FAM184B: variants seen among roughly 807,000 people sequenced by gnomAD.
FAM184B encodes the protein protein FAM184B.
Under a neutral mutation model 135.9 loss-of-function variants are expected in FAM184B, and 111 were observed. The ratio of observed to expected loss-of-function variants is 0.82; its 90% CI spans 0.70 to 0.96. The LOEUF (loss-of-function observed/expected upper bound fraction) is 0.96, where lower values mean the gene tolerates loss of function less well. FAM184B is among the 40% of genes least tolerant of loss of function. The probability of loss-of-function intolerance (pLI) is 0.00; values close to 1 mark genes in which losing one functional copy is unlikely to be tolerated. For synonymous variants in FAM184B, 552 were observed against 524.8 expected (o/e 1.05, Z -0.71); for missense variants, 1,375 against 1,323.9 (o/e 1.04, Z -0.60).
intron 14 of FAM184B, among the ~76,000 whole-genome samples, chr4:17,637,472 T>C (rs1715178348): frequency 6.6e-6 from 1 of 152,180 alleles, no homozygotes; most frequent in Non-Finnish European, 1.5e-5. Context: ...TGGCTCTTCT[T>C]TTTTCTAGAT....
intron 12 of FAM184B, among the ~76,000 whole-genome samples, chr4:17,642,700 T>C (rs2108931312): frequency 6.6e-6 from 1 of 152,326 alleles, no homozygotes; most frequent in South Asian, 2.1e-4. Context: ...TATGTGTCCA[T>C]GCTGGTTTCC....
chr4:17,667,852 G>T (rs1477348448), intron 7 of FAM184B, among the ~76,000 whole-genome samples: 2 of 152,208 alleles, frequency 1.3e-5, no homozygotes, highest in Admixed American at 6.5e-5. Flanking sequence ...TGTCATTATT[G>T]ATCTACTCGC....
At position 17,708,663 on chromosome 4, in the gene FAM184B, C is replaced by CTATACATATATA. The variant is rs1228433126; in HGVS notation, c.894+228_894+229insTATATATGTATA. ...CCGTCTCAAAAATAAGGAAACAAAA[C>CTATACATATATA]TATATATATATATATATATATATAT... On this transcript the variant is annotated intron_variant, in intron 2 of 17. Transcript: ENST00000265018. Among the ~76,000 whole-genome samples the CTATACATATATA allele has an allele frequency of 7.4e-3, 126 of 16,990 alleles. 10 individuals are homozygous for CTATACATATATA. The highest frequency in any genetic ancestry group is 0.01 in the Non-Finnish European group (103 of 10,004). 11.1% of individuals were successfully genotyped at this position (16,990 alleles called of 152,430 possible).
chr4:17,747,128 G>A (rs1260221686), intron 1 of FAM184B, among the ~76,000 whole-genome samples: 9 of 151,918 alleles, frequency 5.9e-5, no homozygotes, highest in African/African-American at 9.7e-5. Context: ...TCCTGGGTAC[G>A]TATAATGTGC....
intron 15 of FAM184B, among the ~76,000 whole-genome samples, chr4:17,635,674 T>C (rs1715102626): frequency 1.3e-5 from 1 of 79,266 alleles, no homozygotes; most frequent in African/African-American, 5.9e-5. Context: ...AAGGATTACT[T>C]TAAAAAAAAA....
intron 1 of FAM184B, among the ~76,000 whole-genome samples, chr4:17,728,827 A>G (rs182051312): frequency 1.6e-4 from 24 of 152,334 alleles, no homozygotes; most frequent in Middle Eastern, 3.4e-3. Context: ...TGAGCGACAC[A>G]GAAGACAGGT....
Position 17,632,523 on chromosome 4 carries a change from A to AAGGTTAGCTT in FAM184B, c.3182_*8dup. On this transcript the variant is annotated 3_prime_UTR_variant, in exon 18 of 18. Coordinates refer to ENST00000265018, the MANE Select transcript of FAM184B (RefSeq NM_015688.2). ...CAAGTATCCTCTGTGATGTATCCCAAAGGTTAGCTTAGAAAGAAAAGTACT... is the reference window on the plus strand; with the variant it reads ...CAAGTATCCTCTGTGATGTATCCCAAAGGTTAGCTTAGGTTAGCTTAGAAAGAAAAGTACT... 1.3e-6 allele frequency: 2 copies of AAGGTTAGCTT among 1,541,268 alleles called. No individual in the cohort carries two copies. The highest frequency in any genetic ancestry group is 1.8e-6 in the Non-Finnish European group (2 of 1,138,300).
chr4:17,664,737 C>T (rs1010972097), intron 7 of FAM184B, 78 bp from the exon 8 acceptor site: 1 of 1,231,180 alleles, frequency 8.1e-7, no homozygotes, highest in Non-Finnish European at 1.1e-6. Flanking sequence ...CAACCTGTGG[C>T]TTATTCAAAT....
intron 10 of FAM184B, among the ~76,000 whole-genome samples, chr4:17,657,787 G>T (rs542479610): frequency 2.6e-5 from 4 of 151,364 alleles, no homozygotes; most frequent in Non-Finnish European, 5.9e-5. Flanking sequence ...CTCCCAAGTA[G>T]CTGGGATTAC....
chr4:17,717,891 G>T (rs1490193256), intron 1 of FAM184B, among the ~76,000 whole-genome samples: 4 of 152,134 alleles, frequency 2.6e-5, no homozygotes, highest in East Asian at 3.9e-4. Context: ...TATTTAGGTT[G>T]GTGCAAATGT....
At chr4:17,764,140 G>A (rs1168228756) in intron 1 of FAM184B, among the ~76,000 whole-genome samples, 2 of 152,116 alleles carry the variant, frequency 1.3e-5, no homozygotes, top group Non-Finnish European at 2.9e-5. Flanking sequence ...TCTGTCACTC[G>A]TTTTCAAATC....
chr4:17,633,859 G>A lies in FAM184B; in HGVS notation c.2919C>T (p.Arg973=), dbSNP rs1017017383. 1.2e-5 allele frequency: 19 copies of A among 1,550,644 alleles called. No homozygotes were observed. The Admixed American group carries it at 2.2e-4, about 18-fold the overall frequency. Residue 973 remains arginine, a synonymous_variant, in exon 17 of 18, where the codon CGC becomes CGT. Coordinates refer to ENST00000265018, the MANE Select transcript of FAM184B (RefSeq NM_015688.2). ...KKKKVEDVPS[R]VVSVPNLASY... ...AGGCGAGGTTCGGCACGCTGACCAC[G>A]CGGCTGGGCACGTCCTCCACCTTCT...
intron 1 of FAM184B, among the ~76,000 whole-genome samples, chr4:17,764,445 A>G (rs772248727): frequency 6.6e-6 from 1 of 152,092 alleles, no homozygotes; most frequent in Non-Finnish European, 1.5e-5. Context: ...ATCTCTTGGT[A>G]TTTCCACTGG....
intron 1 of FAM184B, among the ~76,000 whole-genome samples, chr4:17,747,717 C>T (rs937241700): frequency 6.6e-6 from 1 of 151,698 alleles, no homozygotes; most frequent in African/African-American, 2.4e-5. Flanking sequence ...GTCAGGAGAT[C>T]GAGACCATCC....
At chr4:17,717,928 G>C (rs1214370934) in intron 1 of FAM184B, among the ~76,000 whole-genome samples, 2 of 152,170 alleles carry the variant, frequency 1.3e-5, no homozygotes, top group Non-Finnish European at 2.9e-5. Context: ...ACAAGTAATG[G>C]GGAAAGCCGT....
intron 17 of FAM184B, 149 bp from the exon 18 acceptor site, chr4:17,632,774 A>G (rs1408112160): frequency 1.7e-6 from 1 of 571,944 alleles, no homozygotes; most frequent in Admixed American, 3.0e-5. Flanking sequence ...GTGGGAAACA[A>G]ATTGTAAAGG....
At chr4:17,653,318 T>A (rs1352198712) in intron 10 of FAM184B, among the ~76,000 whole-genome samples, 1 of 152,154 alleles carries the variant, frequency 6.6e-6, no homozygotes. Flanking sequence ...GGCTCCAAAT[T>A]TACCATACTC....
At position 17,757,315 on chromosome 4, in the gene FAM184B, T is replaced by C. The variant is rs558957229; in HGVS notation, c.141+23844A>G. Among the ~76,000 whole-genome samples the C allele has an allele frequency of 1.5e-3, 236 of 152,264 alleles. 2 individuals are homozygous for C. Among genetic ancestry groups the C allele is most frequent in the African/African-American group, 5.5e-3 (230 of 41,534 alleles). ...TGTATGAAACCACAGATTTAAAAAA[T>C]CTAAAAGACATATCAACGTATTGCA... is the stretch of plus-strand genomic sequence containing the variant. On this transcript the variant is annotated intron_variant, in intron 1 of 17. Coordinates refer to ENST00000265018, the MANE Select transcript of FAM184B (RefSeq NM_015688.2).
At chr4:17,635,233 T>G (rs931264717) in intron 15 of FAM184B, 120 bp from the exon 16 acceptor site, 8 of 737,966 alleles carry the variant, frequency 1.1e-5, no homozygotes, top group African/African-American at 3.6e-5. Flanking sequence ...GAAGGGGAAG[T>G]CAGTGGGAAT....
Sources: gnomAD v4.1 joint callset for allele counts (sites outside exome capture counted in the v4.1 genomes callset) on GRCh38, gnomAD v4.1.1 for gene constraint, MANE v1.5 for transcripts, NCBI Gene and HGNC (gene_info 2026-07-23, HGNC 2026-07-21) for gene names.